The following ATOH7 variants were observed in gnomAD, a reference collection of about 807,000 sequenced individuals.
ATOH7 encodes the protein atonal bHLH transcription factor 7.
ATOH7 carries 11 observed loss-of-function variants against 11.0 expected under a neutral mutation model. The observed-to-expected ratio is 1.00, with a 90% CI of 0.63 to 1.66. ATOH7 has a LOEUF of 1.66. Among genes scored for constraint, ATOH7 ranks in the 40% most tolerant of loss-of-function variants. ATOH7 has a pLI of 0.00. For missense variants in ATOH7, 232 were observed against 219.2 expected, an observed-to-expected ratio of 1.06 and a Z score of -0.37; for synonymous variants, 98 against 98.3, an observed-to-expected ratio of 1.00 and a Z score of 0.02.
Position 68,231,806 on chromosome 10 carries a change from A to C in ATOH7, c.-129T>G. On this transcript the variant is annotated 5_prime_UTR_variant, in exon 1 of 1. Transcript: ENST00000373673. ...AAATAAGTCATAAACAAAGCAACTC[A>C]CGTGCAATCAAATAGTTTACAGTGG... 6 of 534,260 alleles carry C rather than the reference A, an allele frequency of 1.1e-5. No homozygotes were observed. Among genetic ancestry groups the C allele is most frequent in the Non-Finnish European group, 1.5e-5 (6 of 389,272 alleles). The allele number at this position is 534,260 out of a possible 1,614,324, so 33.1% of individuals were successfully genotyped here. A position where few individuals can be genotyped will look rare whatever the true frequency, so the allele number is the denominator to read the frequency against.
In ATOH7 at chr10:68,231,105, T is replaced by C; in HGVS notation, c.*114A>G. On this transcript the variant is annotated 3_prime_UTR_variant, in exon 1 of 1. Coordinates refer to ENST00000373673, the MANE Select transcript of ATOH7 (RefSeq NM_145178.4). ...AGGTAATCTGAGAATCGACTAATTT[T>C]CCTCGAGGATTGCATCCTTAGAATC... 1 of 1,071,204 alleles carries C rather than the reference T, an allele frequency of 9.3e-7. No homozygotes were observed. Among genetic ancestry groups the C allele is most frequent in the Non-Finnish European group, 1.3e-6 (1 of 786,926 alleles). 66.4% of individuals were successfully genotyped at this position (1,071,204 alleles called of 1,614,324 possible).
In ATOH7 at chr10:68,231,758, T is replaced by C; in HGVS notation, c.-81A>G. The C allele has an allele frequency of 1.1e-6, 1 of 942,922 alleles. No homozygotes were observed. Among genetic ancestry groups the C allele is most frequent in the African/African-American group, 1.8e-5 (1 of 56,306 alleles). 58.4% of individuals were successfully genotyped at this position (942,922 alleles called of 1,614,324 possible). A position where few individuals can be genotyped will look rare whatever the true frequency, so the allele number is the denominator to read the frequency against. On this transcript the variant is annotated 5_prime_UTR_variant, in exon 1 of 1. Transcript: ENST00000373673. ...CGCGTGGGCTGGTCTCTCGAGCCGCTTCCCAACGTGCCTCTTCTGAGCAAA... is the reference window on the plus strand; with the variant it reads ...CGCGTGGGCTGGTCTCTCGAGCCGCCTCCCAACGTGCCTCTTCTGAGCAAA...
At position 68,231,572 on chromosome 10, in the gene ATOH7, C is replaced by A. The variant is rs1301224678; in HGVS notation, c.106G>T (p.Glu36Ter). ...GCCAGGCGCCTGCGCGCCGCGCTCT[C>A]CAGCCGCCCGGCCCCGGCGCACGTG... ...AGTCAGAGRL[E>*]SAARRRLAAN... is the part of the protein sequence containing the mutation. The change falls in exon 1 of 1, where the codon GAG (glutamate) becomes TAG (stop). Residue 36 changes from glutamate (E) to a stop codon, truncating the protein, a stop_gained. Transcript: ENST00000373673. LOFTEE classifies it high-confidence loss of function. 1.6e-6 allele frequency: 2 copies of A among 1,220,088 alleles called. No individual in the cohort carries two copies. The allele number at this position is 1,220,088 out of a possible 1,614,324, so 75.6% of individuals were successfully genotyped here.
Position 68,231,472 on chromosome 10 carries a change from T to G in ATOH7, c.206A>C (p.Gln69Pro), listed in dbSNP as rs770053738. The change falls in exon 1 of 1, where the codon CAG (glutamine) becomes CCG (proline). Residue 69 changes from glutamine to proline, a missense_variant. Gln to Pro is a moderately conservative substitution (Grantham distance 76). Transcript: ENST00000373673. Reference sequence around the variant, plus strand: ...GGACAGCTTTTTATCCTGGCCCCACTGGGGAACCACCCTGCGTAAGCGGTC... The same window carrying G: ...GGACAGCTTTTTATCCTGGCCCCACGGGGGAACCACCCTGCGTAAGCGGTC... ...AFDRLRRVVP[Q>P]WGQDKKLSKY... is the part of the protein sequence containing the mutation. 1.9e-6 allele frequency: 3 copies of G among 1,602,560 alleles called. No homozygotes were observed. The East Asian group carries it at 6.9e-5, about 37-fold the overall frequency.
At position 68,231,027 on chromosome 10, in the gene ATOH7, G is replaced by A; in HGVS notation, c.*192C>T. The A allele has an allele frequency of 2.0e-6, 1 of 504,220 alleles. No homozygotes were observed. Among genetic ancestry groups the A allele is most frequent in the Non-Finnish European group, 3.3e-6 (1 of 302,862 alleles). 31.2% of individuals were successfully genotyped at this position (504,220 alleles called of 1,614,324 possible). On this transcript the variant is annotated 3_prime_UTR_variant, in exon 1 of 1. Transcript: ENST00000373673. ...AATCTACAAAATACAAAGGAGGAGG[G>A]GAAAAGAAAGGCAATTAAATGATTG... is the stretch of plus-strand genomic sequence containing the variant.
In ATOH7 at chr10:68,231,104, T is replaced by C. The variant is rs2044023530; in HGVS notation, c.*115A>G. 2 of 1,068,678 alleles carry C rather than the reference T, an allele frequency of 1.9e-6. No individual in the cohort carries two copies. Among genetic ancestry groups the C allele is most frequent in the African/African-American group, 3.3e-5 (2 of 60,688 alleles). The allele number at this position is 1,068,678 out of a possible 1,614,324, so 66.2% of individuals were successfully genotyped here. ...AAGGTAATCTGAGAATCGACTAATT[T>C]TCCTCGAGGATTGCATCCTTAGAAT... is the stretch of plus-strand genomic sequence containing the variant. On this transcript the variant is annotated 3_prime_UTR_variant, in exon 1 of 1. Transcript: ENST00000373673.
At position 68,231,281 on chromosome 10, in the gene ATOH7, T is replaced by C; in HGVS notation, c.397A>G (p.Ser133Gly). The change falls in exon 1 of 1, where the codon AGC (serine) becomes GGC (glycine). Residue 133 changes from serine to glycine, a missense_variant. By Grantham distance (56) the Ser-to-Gly change is moderately conservative. Transcript: ENST00000373673. The part of the protein sequence containing the change: ...PFPGAKLPGE[S>G]ELYSQRLFGF... ...AAGAGTCTCTGGCTGTACAGCTCGC[T>C]CTCGCCCGGCAGCTTCGCGCCCGGG... 6.2e-7 allele frequency: 1 copy of C among 1,608,954 alleles called. No individual in the cohort carries two copies. The highest frequency in any genetic ancestry group is 8.5e-7 in the Non-Finnish European group (1 of 1,178,434).
chr10:68,231,225 G>A lies in ATOH7; in HGVS notation c.453C>T (p.Ala151=), dbSNP rs1354164311. ...CCCCGCGGAGGCGCGCGCCCTAGGT[G>A]GCCATCTGGAAGGGCTCGGGCTGGA... ...FGFQPEPFQM[A]T is the part of the protein sequence containing the mutation. Residue 151 remains alanine, a synonymous_variant, in exon 1 of 1, where the codon GCC becomes GCT. Transcript: ENST00000373673. 13 of 1,537,476 alleles carry A rather than the reference G, an allele frequency of 8.5e-6. No homozygotes were observed. The highest frequency in any genetic ancestry group is 1.1e-5 in the Non-Finnish European group (12 of 1,141,666).
At position 68,231,671 on chromosome 10, in the gene ATOH7, A is replaced by G. The variant is rs953948041; in HGVS notation, c.7T>C (p.Ser3Pro). ...GCCGGCGGGCCGCTGGGCTTGCAGG[A>G]CTTCATCCCCGGCCCCAAGCAGCGA... is the stretch of plus-strand genomic sequence containing the variant. The part of the protein sequence containing the change: MK[S>P]CKPSGPPAGA... The change falls in exon 1 of 1, where the codon TCC becomes CCC. Residue 3 changes from serine to proline, a missense_variant. By Grantham distance (74) the Ser-to-Pro change is moderately conservative. Coordinates refer to ENST00000373673, the MANE Select transcript of ATOH7 (RefSeq NM_145178.4). 5 of 1,176,610 alleles carry G rather than the reference A, an allele frequency of 4.2e-6. No individual in the cohort carries two copies. The African/African-American group carries it at 8.1e-5, about 19-fold the overall frequency. The allele number at this position is 1,176,610 out of a possible 1,614,324, so 72.9% of individuals were successfully genotyped here.
Position 68,231,768 on chromosome 10 carries a change from G to T in ATOH7, c.-91C>A. On this transcript the variant is annotated 5_prime_UTR_variant, in exon 1 of 1. Transcript: ENST00000373673. Reference sequence around the variant, plus strand: ...GGTCTCTCGAGCCGCTTCCCAACGTGCCTCTTCTGAGCAAATAAGTCATAA... The same window carrying T: ...GGTCTCTCGAGCCGCTTCCCAACGTTCCTCTTCTGAGCAAATAAGTCATAA... 1.2e-6 allele frequency: 1 copy of T among 857,000 alleles called. No homozygotes were observed. The highest frequency in any genetic ancestry group is 1.5e-6 in the Non-Finnish European group (1 of 686,190). 53.1% of individuals were successfully genotyped at this position (857,000 alleles called of 1,614,324 possible).
chr10:68,231,190 G>C lies in ATOH7; in HGVS notation c.*29C>G. On this transcript the variant is annotated 3_prime_UTR_variant, in exon 1 of 1. Coordinates refer to ENST00000373673, the MANE Select transcript of ATOH7 (RefSeq NM_145178.4). The stretch of plus-strand genomic sequence containing the variant: ...AGGGCCGAGGCTCGGAGCGGCTGCC[G>C]GACACCCACCCCCGCGGAGGCGCGC... 2 of 1,470,838 alleles carry C rather than the reference G, an allele frequency of 1.4e-6. No individual in the cohort carries two copies. Among genetic ancestry groups the C allele is most frequent in the South Asian group, 1.4e-5 (1 of 73,082 alleles). The allele number at this position is 1,470,838 out of a possible 1,614,324, so 91.1% of individuals were successfully genotyped here.
At position 68,231,013 on chromosome 10, in the gene ATOH7, T is replaced by G; in HGVS notation, c.*206A>C. 2.0e-6 allele frequency: 1 copy of G among 488,782 alleles called. No individual in the cohort carries two copies. Among genetic ancestry groups the G allele is most frequent in the Non-Finnish European group, 3.5e-6 (1 of 288,916 alleles). The allele number at this position is 488,782 out of a possible 1,614,324, so 30.3% of individuals were successfully genotyped here. On this transcript the variant is annotated 3_prime_UTR_variant, in exon 1 of 1. Coordinates refer to ENST00000373673, the MANE Select transcript of ATOH7 (RefSeq NM_145178.4). ...AGATCCATTAATGAAATCTACAAAA[T>G]ACAAAGGAGGAGGGGAAAAGAAAGG...
In ATOH7 at chr10:68,231,215, C is replaced by T. The variant is rs535518735; in HGVS notation, c.*4G>A. 5 of 1,515,086 alleles carry T rather than the reference C, an allele frequency of 3.3e-6. No individual in the cohort carries two copies. The East Asian group carries it at 7.4e-5, about 22-fold the overall frequency. The allele number at this position is 1,515,086 out of a possible 1,614,324, so 93.9% of individuals were successfully genotyped here. On this transcript the variant is annotated 3_prime_UTR_variant, in exon 1 of 1. Transcript: ENST00000373673. Reference sequence around the variant, plus strand: ...GGACACCCACCCCCGCGGAGGCGCGCGCCCTAGGTGGCCATCTGGAAGGGC... The same window carrying T: ...GGACACCCACCCCCGCGGAGGCGCGTGCCCTAGGTGGCCATCTGGAAGGGC...
In ATOH7 at chr10:68,231,287, C is replaced by G; in HGVS notation, c.391G>C (p.Gly131Arg). Residue 131 changes from glycine to arginine, a missense_variant, in exon 1 of 1, where the codon GGC becomes CGC. Gly to Arg is a moderately radical substitution (Grantham distance 125). Coordinates refer to ENST00000373673, the MANE Select transcript of ATOH7 (RefSeq NM_145178.4). ...CTCTGGCTGTACAGCTCGCTCTCGC[C>G]CGGCAGCTTCGCGCCCGGGAACGGG... ...YLPFPGAKLPGESELYSQRLF... is the reference protein window; with the variant it reads ...YLPFPGAKLPRESELYSQRLF... 6.2e-7 allele frequency: 1 copy of G among 1,610,088 alleles called. No homozygotes were observed. Among genetic ancestry groups the G allele is most frequent in the Non-Finnish European group, 8.5e-7 (1 of 1,178,788 alleles).
chr10:68,231,836 G>T lies in ATOH7; in HGVS notation c.-159C>A. 2.7e-6 allele frequency: 1 copy of T among 373,684 alleles called. No homozygotes were observed. Among genetic ancestry groups the T allele is most frequent in the Non-Finnish European group, 4.2e-6 (1 of 238,782 alleles). 23.1% of individuals were successfully genotyped at this position (373,684 alleles called of 1,614,324 possible). On this transcript the variant is annotated 5_prime_UTR_variant, in exon 1 of 1. Transcript: ENST00000373673. ...CAATCAAATAGTTTACAGTGGGGGA[G>T]TGCGGGACTCGGCCTTCTGTTCTAC...
chr10:68,231,718 C>G lies in ATOH7; in HGVS notation c.-41G>C, dbSNP rs549436173. ...GCGAGGCGCCGACCTCGCACGCCCG[C>G]CCGCTCAGGACCTGCGCGTGGGCTG... On this transcript the variant is annotated 5_prime_UTR_variant, in exon 1 of 1. Transcript: ENST00000373673. 2.1e-4 allele frequency: 238 copies of G among 1,158,840 alleles called. 1 individual carries two copies. In the South Asian group the frequency reaches 8.2e-3, roughly 40 times the overall value. The allele number at this position is 1,158,840 out of a possible 1,614,324, so 71.8% of individuals were successfully genotyped here.
chr10:68,230,912 T>C lies in ATOH7; in HGVS notation c.*307A>G, dbSNP rs2044022315. Reference sequence around the variant, plus strand: ...CAGAATAGCTTAATCCTATTTTTCTTAAGATTGTTTTCCCTCAAAGTAGCC... The same window carrying C: ...CAGAATAGCTTAATCCTATTTTTCTCAAGATTGTTTTCCCTCAAAGTAGCC... On this transcript the variant is annotated 3_prime_UTR_variant, in exon 1 of 1. Transcript: ENST00000373673. 1 of 328,866 alleles carries C rather than the reference T, an allele frequency of 3.0e-6. No homozygotes were observed. The highest frequency in any genetic ancestry group is 2.1e-5 in the African/African-American group (1 of 46,938). The allele number at this position is 328,866 out of a possible 1,614,324, so 20.4% of individuals were successfully genotyped here. A position where few individuals can be genotyped will look rare whatever the true frequency, so the allele number is the denominator to read the frequency against.
chr10:68,231,880 T>G lies in ATOH7; in HGVS notation c.-203A>C, dbSNP rs917720197. The G allele has an allele frequency of 8.2e-6, 2 of 243,302 alleles. No homozygotes were observed. The highest frequency in any genetic ancestry group is 1.4e-3 in the Middle Eastern group (1 of 696). The allele number at this position is 243,302 out of a possible 1,614,324, so 15.1% of individuals were successfully genotyped here. ...GTTCTACTGGATGACCAGGCTGATA[T>G]CTCTTCACTTGCCCAAATTTAGGGG... On this transcript the variant is annotated 5_prime_UTR_variant, in exon 1 of 1. Coordinates refer to ENST00000373673, the MANE Select transcript of ATOH7 (RefSeq NM_145178.4).
Position 68,231,751 on chromosome 10 carries a change from G to A in ATOH7, c.-74C>T. ...GGACCTGCGCGTGGGCTGGTCTCTC[G>A]AGCCGCTTCCCAACGTGCCTCTTCT... is the stretch of plus-strand genomic sequence containing the variant. On this transcript the variant is annotated 5_prime_UTR_variant, in exon 1 of 1. Coordinates refer to ENST00000373673, the MANE Select transcript of ATOH7 (RefSeq NM_145178.4). 9.9e-7 allele frequency: 1 copy of A among 1,005,982 alleles called. No homozygotes were observed. Among genetic ancestry groups the A allele is most frequent in the Non-Finnish European group, 1.2e-6 (1 of 812,264 alleles). 62.3% of individuals were successfully genotyped at this position (1,005,982 alleles called of 1,614,324 possible).
Sources: allele counts gnomAD v4.1 joint callset, GRCh38; gene constraint gnomAD v4.1.1; transcripts MANE v1.5; gene names NCBI Gene and HGNC (gene_info 2026-07-23, HGNC 2026-07-21).